Variants in SPPL3 observed in about 807,000 individuals in gnomAD.
The protein encoded by SPPL3 is signal peptide peptidase-like 3.
In SPPL3, 5 loss-of-function variants were observed where a neutral mutation model predicts 42.4. The observed-to-expected ratio is 0.12, with a 90% CI of 0.06 to 0.25. The LOEUF (loss-of-function observed/expected upper bound fraction) is 0.25. Among genes scored for constraint, SPPL3 ranks in the 10% least tolerant of loss-of-function variants. The pLI is 1.00. For missense variants in SPPL3, 235 were observed against 489.0 expected, an observed-to-expected ratio of 0.48 and a Z score of 4.90; for synonymous variants, 195 against 181.8, an observed-to-expected ratio of 1.07 and a Z score of -0.58.
chr12:120,797,901 G>T (rs1870159173), intron 2 of SPPL3, among the ~76,000 whole-genome samples: 1 of 152,120 alleles, frequency 6.6e-6, no homozygotes, highest in African/African-American at 2.4e-5. Context: ...GACTCTAGCT[G>T]CCACTCTTGT....
chr12:120,868,906 C>A (rs952979770), intron 1 of SPPL3, among the ~76,000 whole-genome samples: 1 of 152,138 alleles, frequency 6.6e-6, no homozygotes, highest in Non-Finnish European at 1.5e-5. Context: ...GCCATAGCGA[C>A]TGCTATAATT....
rs768874277 is a variant in SPPL3, at chr12:120,765,047, A to C, written c.1107T>G (p.Ser369=). Reference sequence around the variant, plus strand: ...TGCTGGACTTGGAGTGGAAAGGCTCAGACCACATCCGCCGGAGGTCGCCCT... The same window carrying C: ...TGCTGGACTTGGAGTGGAAAGGCTCCGACCACATCCGCCGGAGGTCGCCCT... ...YLKGDLRRMW[S]EPFHSKSSSS... The change falls in exon 11 of 11, where the codon TCT becomes TCG. Residue 369 remains serine, a synonymous_variant. Transcript: ENST00000353487. 3 of 1,613,852 alleles carry C rather than the reference A, an allele frequency of 1.9e-6. No homozygotes were observed. The highest frequency in any genetic ancestry group is 2.5e-6 in the Non-Finnish European group (3 of 1,179,934).
intron 1 of SPPL3, among the ~76,000 whole-genome samples, chr12:120,817,414 C>A (rs1463563702): frequency 6.6e-6 from 1 of 152,188 alleles, no homozygotes; most frequent in Non-Finnish European, 1.5e-5. Flanking sequence ...AGAGGCACTG[C>A]CACAGATGAC....
chr12:120,813,620 G>C (rs1185929482), intron 1 of SPPL3, among the ~76,000 whole-genome samples: 1 of 151,842 alleles, frequency 6.6e-6, no homozygotes, highest in Non-Finnish European at 1.5e-5. Flanking sequence ...ACTGCACCCG[G>C]CGTGATCCTT....
intron 1 of SPPL3, among the ~76,000 whole-genome samples, chr12:120,836,275 C>T (rs1229354437): frequency 6.6e-6 from 1 of 152,014 alleles, no homozygotes; most frequent in East Asian, 1.9e-4. Flanking sequence ...CAGTTTTAGG[C>T]CTAGATTGAA....
At position 120,769,095 on chromosome 12, in the gene SPPL3, G is replaced by A. The variant is rs376520825; in HGVS notation, c.503-36C>T. The A allele has an allele frequency of 1.7e-5, 26 of 1,511,304 alleles. No individual in the cohort carries two copies. In the African/African-American group the frequency reaches 3.5e-4, roughly 21 times the overall value. 93.6% of individuals were successfully genotyped at this position (1,511,304 alleles called of 1,614,324 possible). A position where few individuals can be genotyped will look rare whatever the true frequency, so the allele number is the denominator to read the frequency against. On this transcript the variant is annotated intron_variant, in intron 6 of 10. Transcript: ENST00000353487. ...GACAGGGTACAGCAGACAGCAGTCAGTGTGGACTCCAGGCTCATCCTCTTT... is the reference window on the plus strand; with the variant it reads ...GACAGGGTACAGCAGACAGCAGTCAATGTGGACTCCAGGCTCATCCTCTTT...
intron 2 of SPPL3, among the ~76,000 whole-genome samples, chr12:120,809,970 TA>T (rs201806219): frequency 7.2e-6 from 1 of 139,730 alleles, no homozygotes; most frequent in African/African-American, 3.0e-5. Context: ...TAGGACAACA[TA>T]AAAAAATTTT....
chr12:120,844,796 C>T (rs1871963611), intron 1 of SPPL3, among the ~76,000 whole-genome samples: 1 of 151,840 alleles, frequency 6.6e-6, no homozygotes, highest in South Asian at 2.1e-4. Flanking sequence ...CAGCGACTCC[C>T]GGAGGCCAAG....
At chr12:120,822,134 T>G (rs1452235185) in intron 1 of SPPL3, among the ~76,000 whole-genome samples, 1 of 152,112 alleles carries the variant, frequency 6.6e-6, no homozygotes, top group African/African-American at 2.4e-5. Context: ...ATACAGAGTT[T>G]CTGTTTGGGA....
intron 1 of SPPL3, among the ~76,000 whole-genome samples, chr12:120,841,788 G>C (rs1296047040): frequency 1.3e-5 from 2 of 152,182 alleles, no homozygotes; most frequent in Admixed American, 6.5e-5. Context: ...ACACAGAGTG[G>C]TAACTGAGTT....
At chr12:120,827,784 T>A (rs1356457286) in intron 1 of SPPL3, among the ~76,000 whole-genome samples, 1 of 142,366 alleles carries the variant, frequency 7.0e-6, no homozygotes, top group East Asian at 2.0e-4. Context: ...TAAAAACAAG[T>A]CTCAAATAAT....
At chr12:120,777,396 A>G (rs916042307) in intron 6 of SPPL3, among the ~76,000 whole-genome samples, 2 of 152,226 alleles carry the variant, frequency 1.3e-5, no homozygotes, top group South Asian at 4.1e-4. Context: ...AGGTTTTACT[A>G]AAGTTTTTCA....
chr12:120,777,860 G>C (rs1184093121), intron 6 of SPPL3, among the ~76,000 whole-genome samples: 1 of 152,124 alleles, frequency 6.6e-6, no homozygotes, highest in African/African-American at 2.4e-5. Context: ...AAACCTGTCA[G>C]AATCAGCAAA....
At position 120,881,424 on chromosome 12, in the gene SPPL3, C is replaced by T. The variant is rs146701889; in HGVS notation, c.23+22421G>A. ...CAGAGGTTGCAGTGAGCCAAGACAG[C>T]GCCACAGAACTCCAGCCTGGGCAAA... On this transcript the variant is annotated intron_variant, in intron 1 of 10. Transcript: ENST00000353487. Among the ~76,000 whole-genome samples the T allele has an allele frequency of 9.0e-3, 1,222 of 135,238 alleles. 25 individuals carry two copies. The highest frequency in any genetic ancestry group is 0.032 in the African/African-American group (1,150 of 35,472). 88.7% of individuals were successfully genotyped at this position (135,238 alleles called of 152,430 possible).
At chr12:120,845,447 G>T (rs78940242) in intron 1 of SPPL3, 2 of 405,560 alleles carry the variant, frequency 4.9e-6, no homozygotes, top group Non-Finnish European at 9.8e-6. Context: ...TGTCCGAGCC[G>T]CCCACGCCCC....
chr12:120,901,645 A>G (rs911564326), intron 1 of SPPL3, among the ~76,000 whole-genome samples: 5 of 150,360 alleles, frequency 3.3e-5, no homozygotes, highest in African/African-American at 1.2e-4. Flanking sequence ...CTCCCCTTAT[A>G]TGCCACCCTC....
intron 1 of SPPL3, among the ~76,000 whole-genome samples, chr12:120,889,992 TC>T (rs1317590376): frequency 1.3e-5 from 2 of 152,160 alleles, no homozygotes; most frequent in African/African-American, 4.8e-5. Context: ...ACGCCTGTAA[TC>T]CCAGCACTTT....
intron 1 of SPPL3, among the ~76,000 whole-genome samples, chr12:120,863,614 T>C (rs1872676493): frequency 6.6e-6 from 1 of 152,170 alleles, no homozygotes. Context: ...ATCGTAGATA[T>C]TATTCTTCAA....
chr12:120,859,236 A>T (rs11833718), intron 1 of SPPL3, among the ~76,000 whole-genome samples: 1 of 152,104 alleles, frequency 6.6e-6, no homozygotes, highest in Non-Finnish European at 1.5e-5. Context: ...CTGCAAATCC[A>T]AAAATCCAAA....
Sources: gnomAD v4.1 joint callset for allele counts (sites outside exome capture counted in the v4.1 genomes callset) on GRCh38, gnomAD v4.1.1 for gene constraint, MANE v1.5 for transcripts, NCBI Gene and HGNC (gene_info 2026-07-23, HGNC 2026-07-21) for gene names.